Variants in TMEM272 observed in about 807,000 individuals in gnomAD.
The protein encoded by TMEM272 is transmembrane protein 272.
Under a neutral mutation model 3.7 loss-of-function variants are expected in TMEM272, and 8 were observed. The ratio of observed to expected loss-of-function variants is 2.17; its 90% confidence interval spans 1.27 to 3.91. The LOEUF (loss-of-function observed/expected upper bound fraction) is 3.91. Ranked by LOEUF, TMEM272 falls within the 30% of genes most tolerant of loss-of-function variation. TMEM272 has a pLI of 0.00. For synonymous variants in TMEM272, 63 were observed against 39.8 expected (o/e 1.58, Z -2.20); for missense variants, 166 against 91.5 (o/e 1.81, Z -3.32).
At chr13:51,818,663 A>G (rs997114022) in intron 4 of TMEM272, among the ~76,000 whole-genome samples, 5 of 152,196 alleles carry the variant, frequency 3.3e-5, no homozygotes, top group Admixed American at 2.6e-4. Flanking sequence ...AAATGTCAAC[A>G]GCAATTTTCT....
In TMEM272 at chr13:51,838,519, ACCT is replaced by A. The variant is rs758514164; in HGVS notation, c.9_11del (p.Gly4del). The stretch of plus-strand genomic sequence containing the variant: ...TGCACTGATGACACGTTTTCTCCAG[ACCT>A]CCTGGCATTGTTCTTGCTCGCTGAC... On this transcript the variant is annotated inframe_deletion, in exon 2 of 5. Transcript: ENST00000629372. 13 of 702,854 alleles carry A rather than the reference ACCT, an allele frequency of 1.8e-5. No homozygotes were observed. Among genetic ancestry groups the A allele is most frequent in the Non-Finnish European group, 2.6e-5 (10 of 384,994 alleles). The allele number at this position is 702,854 out of a possible 1,614,324, so 43.5% of individuals were successfully genotyped here.
At chr13:51,864,987 G>A in the TMEM272 span, among the ~76,000 whole-genome samples, 36 of 152,282 alleles carry the variant, frequency 2.4e-4, no homozygotes, top group African/African-American at 8.7e-4. Flanking sequence ...ATTCTCAAGT[G>A]AGTACACCAA....
At chr13:51,925,332 A>C in the TMEM272 span, among the ~76,000 whole-genome samples, 1 of 152,298 alleles carries the variant, frequency 6.6e-6, no homozygotes, top group Non-Finnish European at 1.5e-5. Flanking sequence ...TAATTTCTCC[A>C]CTTAATTGCC....
At chr13:51,853,273 C>T in the TMEM272 span, among the ~76,000 whole-genome samples, 9 of 151,978 alleles carry the variant, frequency 5.9e-5, no homozygotes, top group Admixed American at 2.6e-4. Context: ...AGCTGGGCTT[C>T]GTGGCGCATG....
At chr13:51,865,492 G>A in the TMEM272 span, 1 of 1,614,236 alleles carries the variant, frequency 6.2e-7, no homozygotes, top group East Asian at 2.2e-5. Flanking sequence ...GTATTCGCCA[G>A]AAGAAACTAA....
rs751003881 is a variant in TMEM272 at position 51,817,032 on chromosome 13, C to T, written c.283G>A (p.Glu95Lys). Residue 95 changes from glutamate to lysine, a missense_variant, in exon 5 of 5, where the codon GAA becomes AAA. Glu to Lys is a moderately conservative substitution (Grantham distance 56). Transcript: ENST00000629372. ...AVVIDDDDDD[E>K]YPWRQNAHRY... ...TGCGCATTCTGCCTCCAGGGGTATT[C>T]GTCATCGTCATCGTCATCAATCACC... The T allele has an allele frequency of 1.4e-5, 10 of 702,964 alleles. No individual in the cohort carries two copies. The highest frequency in any genetic ancestry group is 3.0e-5 in the South Asian group (2 of 67,596). 43.5% of individuals were successfully genotyped at this position (702,964 alleles called of 1,614,324 possible).
intron 4 of TMEM272, among the ~76,000 whole-genome samples, chr13:51,817,999 T>A (rs548500387): frequency 1.9e-4 from 29 of 152,306 alleles, no homozygotes; most frequent in African/African-American, 6.3e-4. Flanking sequence ...TGCTAAGGAA[T>A]GCCTTAACAG....
At chr13:51,903,862 T>C in the TMEM272 span, among the ~76,000 whole-genome samples, 1 of 151,838 alleles carries the variant, frequency 6.6e-6, no homozygotes, top group East Asian at 1.9e-4. Flanking sequence ...TCTGGCAGAA[T>C]CATACCTGGT....
At chr13:51,867,579 G>C in the TMEM272 span, among the ~76,000 whole-genome samples, 1 of 152,176 alleles carries the variant, frequency 6.6e-6, no homozygotes. Context: ...GAGCAGCCAG[G>C]CCTCTGAGGC....
At chr13:51,931,648 AAAAG>A in the TMEM272 span, among the ~76,000 whole-genome samples, 1 of 152,210 alleles carries the variant, frequency 6.6e-6, no homozygotes, top group Non-Finnish European at 1.5e-5. Flanking sequence ...AAAAAAAAGA[AAAAG>A]AAAGAATCTA....
chr13:51,904,211 A>AATG, the TMEM272 span, among the ~76,000 whole-genome samples: 292 of 151,968 alleles, frequency 1.9e-3, 2 homozygotes, highest in African/African-American at 6.1e-3. Context: ...TGGTAATATT[A>AATG]ATGATGATGA....
the TMEM272 span, among the ~76,000 whole-genome samples, chr13:51,867,711 G>A: frequency 6.6e-6 from 1 of 152,128 alleles, no homozygotes; most frequent in African/African-American, 2.4e-5. Context: ...AGAGCAGTGG[G>A]AGCAGCTTTC....
chr13:51,882,628 C>T, the TMEM272 span, among the ~76,000 whole-genome samples: 2 of 151,812 alleles, frequency 1.3e-5, no homozygotes, highest in Admixed American at 1.3e-4. Flanking sequence ...AAAAACCTGC[C>T]AAGAATATAT....
the TMEM272 span, among the ~76,000 whole-genome samples, chr13:51,887,627 A>G: frequency 6.6e-6 from 1 of 152,204 alleles, no homozygotes; most frequent in African/African-American, 2.4e-5. Flanking sequence ...TAATCCAGTA[A>G]TGCATATCCT....
At chr13:51,876,998 T>G in the TMEM272 span, among the ~76,000 whole-genome samples, 1 of 152,152 alleles carries the variant, frequency 6.6e-6, no homozygotes, top group Admixed American at 6.5e-5. Context: ...GAAGATTTGG[T>G]TAGAAGGGAG....
chr13:51,830,078 G>A (rs1275106735), intron 2 of TMEM272, among the ~76,000 whole-genome samples: 1 of 152,172 alleles, frequency 6.6e-6, no homozygotes, highest in Non-Finnish European at 1.5e-5. Flanking sequence ...TTCCTTTTCT[G>A]CAATTACCTC....
chr13:51,823,340 A>C (rs1019392524), intron 3 of TMEM272, among the ~76,000 whole-genome samples: 2 of 152,234 alleles, frequency 1.3e-5, no homozygotes, highest in African/African-American at 2.4e-5. Flanking sequence ...GGGCCTCCCA[A>C]AGCGTGGGAT....
At chr13:51,870,787 T>C in the TMEM272 span, among the ~76,000 whole-genome samples, 1 of 152,194 alleles carries the variant, frequency 6.6e-6, no homozygotes, top group African/African-American at 2.4e-5. Flanking sequence ...AGGTGCTTCC[T>C]GAAGCACGGG....
chr13:51,820,995 T>G (rs1052956020), intron 4 of TMEM272, among the ~76,000 whole-genome samples: 1 of 152,154 alleles, frequency 6.6e-6, no homozygotes, highest in Non-Finnish European at 1.5e-5. Flanking sequence ...CACGACAGAG[T>G]TGAGCTTGTG....
Sources: allele counts gnomAD v4.1 joint callset (sites outside exome capture counted in the v4.1 genomes callset), GRCh38; gene constraint gnomAD v4.1.1; transcripts MANE v1.5; gene names NCBI Gene and HGNC (gene_info 2026-07-23, HGNC 2026-07-21).